The following SHMT1 variants were observed in gnomAD, a reference collection of about 807,000 sequenced individuals.
The protein encoded by SHMT1 is serine hydroxymethyltransferase, cytosolic.
SHMT1 carries 45 observed loss-of-function variants against 49.0 expected under a neutral mutation model. The observed-to-expected ratio is 0.92, with a 90% CI of 0.72 to 1.18. The LOEUF (loss-of-function observed/expected upper bound fraction) is 1.18, where lower values mean the gene tolerates loss of function less well. Ranked by LOEUF, SHMT1 falls within the 50% of genes most tolerant of loss-of-function variation. The pLI is 0.00. For synonymous variants in SHMT1, 232 were observed against 246.6 expected (o/e 0.94, Z 0.55); for missense variants, 541 against 612.4 (o/e 0.88, Z 1.23).
chr17:18,361,318 A>AC (rs1986751328), intron 1 of SHMT1, among the ~76,000 whole-genome samples: 11 of 149,508 alleles, frequency 7.4e-5, no homozygotes, highest in Non-Finnish European at 1.5e-5. Flanking sequence ...AAAAAAAACA[A>AC]AAACAAAAAT....
intron 1 of SHMT1, among the ~76,000 whole-genome samples, chr17:18,359,759 A>G (rs939915250): frequency 6.6e-6 from 1 of 151,206 alleles, no homozygotes; most frequent in Non-Finnish European, 1.5e-5. Flanking sequence ...TGTCCTGGCC[A>G]ACATGGTGAA....
In SHMT1 at chr17:18,329,299, CT is replaced by C. The variant is rs1467363697; in HGVS notation, c.1260del (p.Val421Ter). On this transcript the variant is annotated frameshift_variant, in exon 11 of 12. Transcript: ENST00000316694. LOFTEE classifies it low-confidence loss of function (END_TRUNC). ...TTACCTCTGTGAATAAAGTGGGCTA[CT>C]TTTTGGAAGTCTTTTTCCAAAAGTC... Reference protein sequence around the residue: ...SRGLLEKDFQKVAHFIHRGIE... With the variant: ...SRGLLEKDFQXVAHFIHRGIE... 1 of 1,613,042 alleles carries C rather than the reference CT, an allele frequency of 6.2e-7. No individual in the cohort carries two copies.
intron 3 of SHMT1, among the ~76,000 whole-genome samples, chr17:18,350,014 C>G: frequency 1.3e-5 from 1 of 76,420 alleles, no homozygotes; most frequent in South Asian, 3.0e-4. Context: ...GAGCAAAACT[C>G]TGTCTCAAAA....
chr17:18,329,378 G>A lies in SHMT1; in HGVS notation c.1182C>T (p.Ser394=), dbSNP rs182968011. The A allele has an allele frequency of 3.5e-5, 56 of 1,611,782 alleles. No individual in the cohort carries two copies. Among genetic ancestry groups the A allele is most frequent in the South Asian group, 3.2e-4 (29 of 90,972 alleles). ...CNKNTCPGDR[S]ALRPSGLRLG... ...GCCGCAGTCCACTGGGCCGCAGAGCGCTTCTGTCACCTACAAGATAAACGG... is the reference window on the plus strand; with the variant it reads ...GCCGCAGTCCACTGGGCCGCAGAGCACTTCTGTCACCTACAAGATAAACGG... The change falls in exon 11 of 12, where the codon AGC becomes AGT. Residue 394 remains serine (S), a synonymous_variant. Transcript: ENST00000316694.
At chr17:18,353,003 T>G (rs1240603841) in intron 3 of SHMT1, among the ~76,000 whole-genome samples, 1 of 152,204 alleles carries the variant, frequency 6.6e-6, no homozygotes, top group East Asian at 1.9e-4. Flanking sequence ...TGCCTTCAAC[T>G]TGATTCTCAG....
At chr17:18,362,498 A>G (rs1274354594) in intron 1 of SHMT1, among the ~76,000 whole-genome samples, 1 of 151,792 alleles carries the variant, frequency 6.6e-6, no homozygotes, top group Admixed American at 6.6e-5. Flanking sequence ...GTTTTTTTGT[A>G]TTTTTAGTAC....
Position 18,340,443 on chromosome 17 carries a change from C to T in SHMT1, c.602-188G>A. 2.8e-6 allele frequency: 2 copies of T among 706,464 alleles called. No homozygotes were observed. The highest frequency in any genetic ancestry group is 4.9e-6 in the Non-Finnish European group (2 of 406,268). 43.8% of individuals were successfully genotyped at this position (706,464 alleles called of 1,614,324 possible). On this transcript the variant is annotated intron_variant, in intron 6 of 11. Transcript: ENST00000316694. The surrounding 1 kb of genome is among the most constrained non-coding windows in gnomAD (Gnocchi z 4.5). ...AAAGGCAACCACTCTAACTCTTCAA[C>T]GTCTTGGTGGTTGAGATGGCCCCAA...
At chr17:18,335,702 G>T in intron 7 of SHMT1, 27 bp from the exon 8 acceptor site, 1 of 1,461,572 alleles carries the variant, frequency 6.8e-7, no homozygotes, top group Non-Finnish European at 9.6e-7. Context: ...ATCACAGTGG[G>T]ATCATAGGGG....
intron 5 of SHMT1, among the ~76,000 whole-genome samples, chr17:18,346,296 C>T (rs771222680): frequency 4.6e-5 from 7 of 151,988 alleles, no homozygotes; most frequent in African/African-American, 1.2e-4. Context: ...AAGATGGTTC[C>T]GGGACACTAG....
chr17:18,347,714 T>C, intron 4 of SHMT1, 58 bp from the exon 5 acceptor site: 7 of 1,600,292 alleles, frequency 4.4e-6, no homozygotes, highest in Non-Finnish European at 6.0e-6. Flanking sequence ...CCAAGTGGCA[T>C]CCGGGACCTT....
chr17:18,358,332 A>G (rs1986448993), intron 1 of SHMT1, among the ~76,000 whole-genome samples: 1 of 151,470 alleles, frequency 6.6e-6, no homozygotes, highest in Non-Finnish European at 1.5e-5. Flanking sequence ...TCTACTAAAA[A>G]TACAAAAATT....
intron 7 of SHMT1, among the ~76,000 whole-genome samples, chr17:18,339,051 A>T (rs1039791190): frequency 0.17 from 2,383 of 14,116 alleles, 52 homozygotes; most frequent in Non-Finnish European, 0.29. Flanking sequence ...ATAAATACTA[A>T]AAAAAAAAAA....
chr17:18,348,967 A>T (rs1312664758), intron 3 of SHMT1, among the ~76,000 whole-genome samples: 2 of 148,112 alleles, frequency 1.4e-5, no homozygotes, highest in African/African-American at 4.9e-5. Flanking sequence ...CCCTGTCTCA[A>T]AAAAAAAAAA....
At chr17:18,347,353 A>C in intron 5 of SHMT1, 143 bp downstream of exon 5, 1 of 975,736 alleles carries the variant, frequency 1.0e-6, no homozygotes, top group Non-Finnish European at 1.6e-6. Context: ...AAACCTGAGG[A>C]GTCCCCGCTG....
rs879119849 is a variant in SHMT1, at chr17:18,347,734, G to C, written c.359-78C>G. ...TGGCATCCGGGACCTTGGCCACTAAGCCTTCACCCAGGAGTGGCGAGAACA... is the reference window on the plus strand; with the variant it reads ...TGGCATCCGGGACCTTGGCCACTAACCCTTCACCCAGGAGTGGCGAGAACA... On this transcript the variant is annotated intron_variant, in intron 4 of 11. Coordinates refer to ENST00000316694, the MANE Select transcript of SHMT1 (RefSeq NM_004169.5). 5.2e-6 allele frequency: 8 copies of C among 1,543,948 alleles called. No homozygotes were observed. The East Asian group carries it at 1.6e-4, about 30-fold the overall frequency.
At chr17:18,353,379 A>G (rs1398392737) in intron 3 of SHMT1, 5 of 427,668 alleles carry the variant, frequency 1.2e-5, no homozygotes, top group South Asian at 2.2e-5. Flanking sequence ...GACCTTTTCT[A>G]GACAGAGGCC....
At chr17:18,349,960 C>T (rs12939092) in intron 3 of SHMT1, among the ~76,000 whole-genome samples, 44,145 of 151,004 alleles carry the variant, frequency 0.29, 6,771 homozygotes, top group African/African-American at 0.34. Context: ...GCGGAGGTTG[C>T]GGTGAGCCGA....
chr17:18,353,548 G>A, intron 3 of SHMT1, 124 bp downstream of exon 3: 2 of 1,013,802 alleles, frequency 2.0e-6, no homozygotes, highest in Admixed American at 1.7e-5. Context: ...AGCAGGCGTG[G>A]AACAGAAATC....
intron 1 of SHMT1, among the ~76,000 whole-genome samples, chr17:18,356,431 G>A (rs1008540997): frequency 4.6e-5 from 7 of 152,074 alleles, no homozygotes; most frequent in African/African-American, 1.7e-4. Context: ...CGCCTCCTGG[G>A]TTCAAGTGAT....
Sources: allele counts gnomAD v4.1 joint callset (sites outside exome capture counted in the v4.1 genomes callset), GRCh38; gene constraint gnomAD v4.1.1; non-coding constraint Gnocchi (gnomAD v3.1); transcripts MANE v1.5; gene names NCBI Gene and HGNC (gene_info 2026-07-23, HGNC 2026-07-21).